RPL12: variants seen among roughly 807,000 people sequenced by gnomAD.
RPL12 encodes large ribosomal subunit protein uL11.
RPL12 carries 10 observed loss-of-function variants against 24.5 expected under a neutral mutation model. The observed-to-expected ratio is 0.41, with a 90% CI of 0.25 to 0.69. RPL12 has a LOEUF of 0.69. Among genes scored for constraint, RPL12 ranks in the 30% least tolerant of loss-of-function variants. The probability of loss-of-function intolerance (pLI) is 0.33; values close to 1 mark genes in which losing one functional copy is unlikely to be tolerated. For missense variants in RPL12, 137 were observed against 205.3 expected (o/e 0.67, Z 2.03); for synonymous variants, 74 against 76.1 (o/e 0.97, Z 0.14).
chr9:127,450,488 C>A, intron 2 of RPL12: 1 of 472,456 alleles, frequency 2.1e-6, no homozygotes, highest in Admixed American at 4.3e-5. Context: ...CCCCTTGGGC[C>A]CACCCCTCAG....
At position 127,447,753 on chromosome 9, in the gene RPL12, A is replaced by G; in HGVS notation, c.493-27T>C. ...TGTGGGAAAGAAAAAAAAAATCAGTAAAAAGTTTAAAAGGATTATCCCACC... is the reference window on the plus strand; with the variant it reads ...TGTGGGAAAGAAAAAAAAAATCAGTGAAAAGTTTAAAAGGATTATCCCACC... On this transcript the variant is annotated intron_variant, in intron 6 of 6. Transcript: ENST00000361436. The G allele has an allele frequency of 1.9e-6, 3 of 1,613,438 alleles. 1 individual carries two copies. The highest frequency in any genetic ancestry group is 2.5e-6 in the Non-Finnish European group (3 of 1,179,722).
chr9:127,448,313 G>A (rs750639812), intron 5 of RPL12, 24 bp downstream of exon 5: 81 of 1,549,514 alleles, frequency 5.2e-5, no homozygotes, highest in African/African-American at 2.3e-4. Flanking sequence ...CAGTTATGGC[G>A]GTTACATGTT....
intron 2 of RPL12, 61 bp downstream of exon 2, chr9:127,450,670 C>G (rs1834278149): frequency 7.6e-6 from 10 of 1,324,386 alleles, no homozygotes; most frequent in Non-Finnish European, 1.0e-5. Context: ...CGTGACTCCA[C>G]GAGCCGGCGC....
intron 5 of RPL12, 100 bp downstream of exon 5, chr9:127,448,237 A>C: frequency 9.1e-7 from 1 of 1,093,536 alleles, no homozygotes; most frequent in Admixed American, 1.8e-5. Flanking sequence ...ACTGCACCCC[A>C]TCTTGGGTCT....
chr9:127,451,306 C>CCG lies in RPL12; in HGVS notation c.11_12insCG (p.Lys4AsnfsTer13). The CCG allele has an allele frequency of 6.2e-7, 1 of 1,613,040 alleles. No homozygotes were observed. Among genetic ancestry groups the CCG allele is most frequent in the Non-Finnish European group, 8.5e-7 (1 of 1,179,968 alleles). ...CGACTTTGATCTCGTTGGGGTCGAA[C>CCG]TTCGGCGGCATGGTGGAGGCGGCTG... On this transcript the variant is annotated frameshift_variant, in exon 1 of 7. Transcript: ENST00000361436. LOFTEE classifies it high-confidence loss of function.
chr9:127,450,411 CT>C (rs1486558406), intron 2 of RPL12: 3 of 284,860 alleles, frequency 1.1e-5, no homozygotes, highest in Admixed American at 5.3e-5. Flanking sequence ...GCCATGCCCA[CT>C]TCCTGACGAG....
At chr9:127,450,878 T>C (rs574272190) in intron 1 of RPL12, 74 bp from the exon 2 acceptor site, 1 of 1,146,056 alleles carries the variant, frequency 8.7e-7, no homozygotes, top group East Asian at 2.6e-5. Flanking sequence ...CTTTCCGGGG[T>C]TGGACACGCC....
chr9:127,449,746 G>A (rs1468005414), intron 2 of RPL12, 38 bp from the exon 3 acceptor site: 2 of 1,535,124 alleles, frequency 1.3e-6, no homozygotes, highest in Non-Finnish European at 1.8e-6. Context: ...GGTGTCCAGA[G>A]GTGAACCACA....
intron 2 of RPL12, chr9:127,450,150 G>C (rs555119305): frequency 5.4e-6 from 1 of 185,376 alleles, no homozygotes; most frequent in Non-Finnish European, 1.1e-5. Flanking sequence ...GGCCAAGGAA[G>C]AATAGTTAAG....
rs775835971 is a variant in RPL12, at chr9:127,448,295, CA to C, written c.379+41del. ...AAGAATGTTATCACTCAGTGAAAAA[CA>C]CAACTACAGTTATGGCGGTTACATG... On this transcript the variant is annotated intron_variant, in intron 5 of 6. Transcript: ENST00000361436. 2.2e-5 allele frequency: 32 copies of C among 1,478,976 alleles called. No homozygotes were observed. The Admixed American group carries it at 4.8e-4, about 22-fold the overall frequency. 91.6% of individuals were successfully genotyped at this position (1,478,976 alleles called of 1,614,324 possible). A position where few individuals can be genotyped will look rare whatever the true frequency, so the allele number is the denominator to read the frequency against.
chr9:127,449,416 A>G (rs1834228917), intron 3 of RPL12, 54 bp from the exon 4 acceptor site: 2 of 1,510,194 alleles, frequency 1.3e-6, no homozygotes, highest in Admixed American at 3.4e-5. Context: ...ACTGCCATGC[A>G]CGCTGGCTCT....
At chr9:127,448,470 A>T (rs1399075250) in intron 4 of RPL12, 47 bp from the exon 5 acceptor site, 2 of 1,223,742 alleles carry the variant, frequency 1.6e-6, no homozygotes, top group African/African-American at 3.0e-5. Context: ...CTGAAGCCAA[A>T]GCAGATCATG....
intron 4 of RPL12, 71 bp from the exon 5 acceptor site, chr9:127,448,494 A>T (rs1367286480): frequency 5.0e-6 from 5 of 991,634 alleles, no homozygotes; most frequent in Non-Finnish European, 8.1e-6. Context: ...CCTTCATTTC[A>T]TTTCTAGGCT....
chr9:127,450,893 T>C lies in RPL12; in HGVS notation c.38-89A>G, dbSNP rs1364423340. On this transcript the variant is annotated intron_variant, in intron 1 of 6. Transcript: ENST00000361436. ...CTTTCCGGGGTTGGACACGCCACCCTCTGCCTCTTCTCGAAACAGCACAGA... is the reference window on the plus strand; with the variant it reads ...CTTTCCGGGGTTGGACACGCCACCCCCTGCCTCTTCTCGAAACAGCACAGA... 6.0e-6 allele frequency: 6 copies of C among 1,002,250 alleles called. No individual in the cohort carries two copies. In the African/African-American group the frequency reaches 9.9e-5, roughly 17 times the overall value. The allele number at this position is 1,002,250 out of a possible 1,614,324, so 62.1% of individuals were successfully genotyped here.
chr9:127,448,627 C>T (rs545496612), intron 4 of RPL12: 10 of 751,102 alleles, frequency 1.3e-5, no homozygotes, highest in East Asian at 7.5e-5. Context: ...GGTGCAGTGG[C>T]GGGTGGCTGA....
chr9:127,449,134 T>C (rs1406548483), intron 4 of RPL12, 147 bp downstream of exon 4: 4 of 630,468 alleles, frequency 6.3e-6, no homozygotes, highest in Non-Finnish European at 1.1e-5. Context: ...TGGCACTTTT[T>C]CATACTACCT....
In RPL12 at chr9:127,450,940, C is replaced by T. The variant is rs1834291373; in HGVS notation, c.38-136G>A. 1.8e-5 allele frequency: 13 copies of T among 735,786 alleles called. No individual in the cohort carries two copies. The South Asian group carries it at 2.3e-4, about 13-fold the overall frequency. The allele number at this position is 735,786 out of a possible 1,614,324, so 45.6% of individuals were successfully genotyped here. ...CAGAGCGCGAGGCGGGCCACCCGCTCCTCCCTCGGGTGTGGGCAGCTCCGA... is the reference window on the plus strand; with the variant it reads ...CAGAGCGCGAGGCGGGCCACCCGCTTCTCCCTCGGGTGTGGGCAGCTCCGA... On this transcript the variant is annotated intron_variant, in intron 1 of 6. Coordinates refer to ENST00000361436, the MANE Select transcript of RPL12 (RefSeq NM_000976.4).
In RPL12 at chr9:127,448,333, T is replaced by G. The variant is rs1213334552; in HGVS notation, c.379+4A>C. On this transcript the variant is annotated splice_donor_region_variant and intron_variant, in intron 5 of 6. Transcript: ENST00000361436. ...ATGGCGGTTACATGTTGTCCTGCTCTTACCAGAGAGTTCTCTGGCTAAGGA... is the reference window on the plus strand; with the variant it reads ...ATGGCGGTTACATGTTGTCCTGCTCGTACCAGAGAGTTCTCTGGCTAAGGA... The G allele has an allele frequency of 1.6e-5, 26 of 1,606,782 alleles. No individual in the cohort carries two copies. Among genetic ancestry groups the G allele is most frequent in the Non-Finnish European group, 2.2e-5 (26 of 1,173,412 alleles).
chr9:127,450,957 C>A (rs1307760851), intron 1 of RPL12, 153 bp from the exon 2 acceptor site: 5 of 684,716 alleles, frequency 7.3e-6, no homozygotes, highest in Non-Finnish European at 1.2e-5. Flanking sequence ...CGGGTGTGGG[C>A]AGCTCCGAAA....
Sources: gnomAD v4.1 joint callset for allele counts on GRCh38, gnomAD v4.1.1 for gene constraint, MANE v1.5 for transcripts, NCBI Gene and HGNC (gene_info 2026-07-23, HGNC 2026-07-21) for gene names.